The following PCDH7 variants were observed in gnomAD, a reference collection of about 807,000 sequenced individuals.
PCDH7 encodes protocadherin 7.
PCDH7 carries 17 observed loss-of-function variants against 58.9 expected under a neutral mutation model. The observed-to-expected ratio is 0.29, with a 90% confidence interval of 0.20 to 0.43. PCDH7 has a LOEUF of 0.43. PCDH7 is among the 20% of genes least tolerant of loss of function. PCDH7 has a pLI of 1.00. For missense variants in PCDH7, 1,274 were observed against 1,441.0 expected (o/e 0.88, Z 1.88); for synonymous variants, 664 against 616.4 (o/e 1.08, Z -1.14).
At chr4:30,848,655 A>G (rs948489497) in intron 1 of PCDH7, among the ~76,000 whole-genome samples, 1 of 152,134 alleles carries the variant, frequency 6.6e-6, no homozygotes, top group Admixed American at 6.6e-5. Flanking sequence ...CTGCCAAATC[A>G]TGCTTAAAGT....
At chr4:30,773,103 A>C (rs1252475618) in intron 1 of PCDH7, among the ~76,000 whole-genome samples, 3 of 152,146 alleles carry the variant, frequency 2.0e-5, no homozygotes, top group East Asian at 1.9e-4. Flanking sequence ...GGATTTTACT[A>C]TCTTGGCCAG....
intron 3 of PCDH7, among the ~76,000 whole-genome samples, chr4:31,080,826 G>T (rs895323650): frequency 2.0e-4 from 30 of 152,184 alleles, no homozygotes; most frequent in African/African-American, 7.2e-4. Flanking sequence ...TGTGTTGTGG[G>T]AGGGGCCAAT....
chr4:30,836,743 G>A (rs1051774213), intron 1 of PCDH7, among the ~76,000 whole-genome samples: 1 of 151,996 alleles, frequency 6.6e-6, no homozygotes, highest in Non-Finnish European at 1.5e-5. Context: ...TCTCACTCTA[G>A]CTGGTTCAGA....
At chr4:31,022,703 C>A (rs528799161) in intron 3 of PCDH7, among the ~76,000 whole-genome samples, 3 of 152,046 alleles carry the variant, frequency 2.0e-5, no homozygotes, top group Non-Finnish European at 4.4e-5. Flanking sequence ...AGTATGAATA[C>A]CAAATTTGTC....
chr4:30,773,963 A>G (rs1721744162), intron 1 of PCDH7, among the ~76,000 whole-genome samples: 1 of 152,204 alleles, frequency 6.6e-6, no homozygotes, highest in Non-Finnish European at 1.5e-5. Flanking sequence ...TATTCCATTT[A>G]GTGGGACTGG....
chr4:30,997,507 C>G (rs556872024), intron 3 of PCDH7, among the ~76,000 whole-genome samples: 3 of 152,118 alleles, frequency 2.0e-5, no homozygotes, highest in Admixed American at 1.3e-4. Context: ...CAAGTAAAAT[C>G]GTTAAAACTG....
At chr4:30,948,863 C>A (rs1048487806) in intron 2 of PCDH7, among the ~76,000 whole-genome samples, 4 of 151,994 alleles carry the variant, frequency 2.6e-5, no homozygotes, top group Non-Finnish European at 5.9e-5. Context: ...TGTCAAAGAC[C>A]AGAGGAGTTG....
intron 1 of PCDH7, among the ~76,000 whole-genome samples, chr4:30,781,771 G>A (rs1722827711): frequency 6.6e-6 from 1 of 150,974 alleles, no homozygotes; most frequent in African/African-American, 2.4e-5. Flanking sequence ...CCCGACCTCA[G>A]GTGATCCGCC....
chr4:31,023,123 G>C (rs1051057640), intron 3 of PCDH7, among the ~76,000 whole-genome samples: 4 of 152,178 alleles, frequency 2.6e-5, no homozygotes, highest in Non-Finnish European at 5.9e-5. Context: ...TGAATTTAAG[G>C]AGATAGTGGG....
chr4:30,929,777 C>T (rs1002271413), intron 2 of PCDH7, among the ~76,000 whole-genome samples: 2 of 152,082 alleles, frequency 1.3e-5, no homozygotes, highest in South Asian at 2.1e-4. Flanking sequence ...GATCTGAGAG[C>T]GGTATGCATT....
chr4:31,119,163 A>G (rs527756742), intron 3 of PCDH7, among the ~76,000 whole-genome samples: 9 of 152,296 alleles, frequency 5.9e-5, no homozygotes, highest in African/African-American at 2.2e-4. Context: ...ATGATTGATC[A>G]ACTCACACAT....
chr4:30,940,423 A>C (rs545408924), intron 2 of PCDH7, among the ~76,000 whole-genome samples: 16 of 152,146 alleles, frequency 1.1e-4, no homozygotes, highest in African/African-American at 3.8e-4. Context: ...GAAAAATCCC[A>C]ACATTATAGC....
At chr4:30,804,293 C>A (rs1285033158) in intron 1 of PCDH7, among the ~76,000 whole-genome samples, 1 of 152,134 alleles carries the variant, frequency 6.6e-6, no homozygotes, top group East Asian at 1.9e-4. Context: ...GTTATCCCAG[C>A]ACTTTGGGAG....
intron 2 of PCDH7, among the ~76,000 whole-genome samples, chr4:30,941,655 A>G (rs1182281053): frequency 6.6e-6 from 1 of 151,926 alleles, no homozygotes; most frequent in African/African-American, 2.4e-5. Context: ...ATTTTATTCT[A>G]CTGTTTAAAG....
chr4:30,758,116 G>T (rs1236081158), intron 1 of PCDH7, among the ~76,000 whole-genome samples: 1 of 152,174 alleles, frequency 6.6e-6, no homozygotes, highest in Non-Finnish European at 1.5e-5. Context: ...GACCGTGAGG[G>T]CTGCAATTAG....
intron 1 of PCDH7, among the ~76,000 whole-genome samples, chr4:30,753,702 T>G (rs2109261070): frequency 6.6e-6 from 1 of 152,346 alleles, no homozygotes; most frequent in African/African-American, 2.4e-5. Context: ...GTTCTTATTC[T>G]TGTGAAGCTT....
chr4:30,753,169 G>T (rs1220708864), intron 1 of PCDH7, among the ~76,000 whole-genome samples: 1 of 152,052 alleles, frequency 6.6e-6, no homozygotes, highest in East Asian at 1.9e-4. Flanking sequence ...AACAATAATG[G>T]GCCTATGAAA....
At chr4:30,899,665 T>C (rs773726632) in intron 1 of PCDH7, among the ~76,000 whole-genome samples, 37 of 152,324 alleles carry the variant, frequency 2.4e-4, no homozygotes, top group Middle Eastern at 6.8e-3. Context: ...AAATCAGTCT[T>C]AATTTTCCTC....
At chr4:30,988,873 C>G (rs1751215237) in intron 3 of PCDH7, among the ~76,000 whole-genome samples, 2 of 152,070 alleles carry the variant, frequency 1.3e-5, no homozygotes, top group Admixed American at 1.3e-4. Flanking sequence ...TACATTAATG[C>G]CTGATGATTC....
Sources: gnomAD v4.1 joint callset for allele counts (sites outside exome capture counted in the v4.1 genomes callset) on GRCh38, gnomAD v4.1.1 for gene constraint, MANE v1.5 for transcripts, NCBI Gene and HGNC (gene_info 2026-07-23, HGNC 2026-07-21) for gene names.